The following CORO1C variants were observed in gnomAD, a reference collection of about 807,000 sequenced individuals.
CORO1C encodes the protein coronin-1C.
CORO1C carries 14 observed loss-of-function variants against 51.2 expected under a neutral mutation model. The observed-to-expected ratio is 0.27, with a 90% CI of 0.18 to 0.43. The LOEUF (loss-of-function observed/expected upper bound fraction) is 0.43. Ranked by LOEUF, CORO1C falls within the 20% of genes least tolerant of loss-of-function variation. The pLI is 1.00. For synonymous variants in CORO1C, 181 were observed against 210.5 expected, an observed-to-expected ratio of 0.86 and a Z score of 1.21; for missense variants, 417 against 607.8, an observed-to-expected ratio of 0.69 and a Z score of 3.30.
At chr12:108,729,606 T>G (rs1175947741) in intron 1 of CORO1C, among the ~76,000 whole-genome samples, 3 of 152,236 alleles carry the variant, frequency 2.0e-5, no homozygotes, top group Non-Finnish European at 4.4e-5. Context: ...ATTTCACTTT[T>G]TTCCCTACTT....
intron 1 of CORO1C, among the ~76,000 whole-genome samples, chr12:108,717,988 C>G (rs1012069411): frequency 6.6e-6 from 1 of 152,050 alleles, no homozygotes; most frequent in African/African-American, 2.4e-5. Flanking sequence ...GAGGCCAAGG[C>G]GGGTGGATCA....
intron 2 of CORO1C, among the ~76,000 whole-genome samples, chr12:108,680,598 C>A (rs916401241): frequency 1.3e-5 from 2 of 152,180 alleles, no homozygotes; most frequent in Non-Finnish European, 1.5e-5. Flanking sequence ...CTCGGTTCCT[C>A]ATCTATAAAA....
intron 3 of CORO1C, among the ~76,000 whole-genome samples, chr12:108,665,129 A>C (rs970553880): frequency 2.0e-5 from 3 of 152,204 alleles, no homozygotes; most frequent in African/African-American, 7.2e-5. Context: ...CTTTGTTTAT[A>C]ATCAGCATTT....
chr12:108,713,005 A>C (rs1180520999), intron 1 of CORO1C, among the ~76,000 whole-genome samples: 1 of 150,600 alleles, frequency 6.6e-6, no homozygotes, highest in Non-Finnish European at 1.5e-5. Flanking sequence ...GTGACACTCA[A>C]AGAAAGAATT....
intron 2 of CORO1C, among the ~76,000 whole-genome samples, chr12:108,689,795 T>C (rs2034433469): frequency 6.6e-6 from 1 of 152,254 alleles, no homozygotes; most frequent in Non-Finnish European, 1.5e-5. Flanking sequence ...AATCACTTTA[T>C]GTGCCCAAAT....
Position 108,658,745 on chromosome 12 carries a change from A to G in CORO1C, c.623T>C (p.Ile208Thr), listed in dbSNP as rs1215018253. The G allele has an allele frequency of 6.2e-7, 1 of 1,607,600 alleles. No homozygotes were observed. The highest frequency in any genetic ancestry group is 1.1e-5 in the South Asian group (1 of 90,934). Residue 208 changes from isoleucine (I) to threonine (T), a missense_variant, in exon 5 of 11, where the codon ATT (isoleucine) becomes ACT (threonine). By Grantham distance (89) the Ile-to-Thr change is moderately conservative (BLOSUM62 -1). Coordinates refer to ENST00000261401, the MANE Select transcript of CORO1C (RefSeq NM_014325.4). The surrounding 1 kb of genome is among the most constrained non-coding windows in gnomAD (Gnocchi z 4.9). ...CATCCTAGGAATACTCACAGCAACA[A>G]TCTCTTGTTTCCTGGGATCAATGAC... ...VRVIDPRKQE[I>T]VAEKEKAHEG...
At chr12:108,661,985 CAA>C (rs1565906477) in intron 4 of CORO1C, 42 bp downstream of exon 4, 1 of 1,611,462 alleles carries the variant, frequency 6.2e-7, no homozygotes, top group Non-Finnish European at 8.5e-7. Context: ...CAGAGAGCCA[CAA>C]GAGTGGAAGA....
In CORO1C at chr12:108,712,053, A is replaced by G. The variant is rs556207726; in HGVS notation, c.-5-10730T>C. 2.6e-5 allele frequency among the ~76,000 whole-genome samples: 4 copies of G among 152,318 alleles called. No individual in the cohort carries two copies. In the South Asian group the frequency reaches 8.3e-4, roughly 32 times the overall value. On this transcript the variant is annotated intron_variant, in intron 1 of 10. Transcript: ENST00000261401. ...TCGATTACTCAAGCGTTCAGTGGGC[A>G]GAGAATGCTCCCTCAGCCAGTGGCA... is the stretch of plus-strand genomic sequence containing the variant.
At chr12:108,706,601 ATTTTT>A (rs966707785) in intron 1 of CORO1C, among the ~76,000 whole-genome samples, 2 of 148,906 alleles carry the variant, frequency 1.3e-5, no homozygotes, top group African/African-American at 2.5e-5. Context: ...TATAAAAATC[ATTTTT>A]TTTTTTAAGA....
chr12:108,668,705 C>A (rs1227104826), intron 3 of CORO1C, among the ~76,000 whole-genome samples: 1 of 152,110 alleles, frequency 6.6e-6, no homozygotes, highest in Admixed American at 6.5e-5. Flanking sequence ...TTTCCAACTC[C>A]CAGACTCTGG....
chr12:108,647,724 T>A (rs1200487541), intron 10 of CORO1C, among the ~76,000 whole-genome samples: 1 of 152,206 alleles, frequency 6.6e-6, no homozygotes, highest in Non-Finnish European at 1.5e-5. Flanking sequence ...TGAGATCCCG[T>A]GGCAAAACAA....
Position 108,658,613 on chromosome 12 carries a change from T to C in CORO1C, c.630+125A>G, listed in dbSNP as rs1412467597. ...AGAAGCCTTTATAAGCCTTCTCTTA[T>C]TCACAGTTGGTGTCTACACACAACA... On this transcript the variant is annotated intron_variant, in intron 5 of 10. Coordinates refer to ENST00000261401, the MANE Select transcript of CORO1C (RefSeq NM_014325.4). The surrounding 1 kb of genome is among the most constrained non-coding windows in gnomAD (Gnocchi z 4.9). 1 of 814,542 alleles carries C rather than the reference T, an allele frequency of 1.2e-6. No homozygotes were observed. The highest frequency in any genetic ancestry group is 1.9e-6 in the Non-Finnish European group (1 of 533,144). 50.5% of individuals were successfully genotyped at this position (814,542 alleles called of 1,614,324 possible).
chr12:108,656,876 T>C (rs1322202884), intron 6 of CORO1C, among the ~76,000 whole-genome samples: 1 of 152,082 alleles, frequency 6.6e-6, no homozygotes, highest in Non-Finnish European at 1.5e-5. Flanking sequence ...TCATCACCGC[T>C]CCCTAATCTC....
chr12:108,671,763 T>A (rs2033728817), intron 3 of CORO1C, among the ~76,000 whole-genome samples: 1 of 152,148 alleles, frequency 6.6e-6, no homozygotes, highest in African/African-American at 2.4e-5. Flanking sequence ...TAATTTTATT[T>A]ATTTATTTAT....
chr12:108,702,669 T>C, intron 1 of CORO1C: 4 of 972,486 alleles, frequency 4.1e-6, no homozygotes, highest in Non-Finnish European at 5.8e-6. Flanking sequence ...CTAACACCTG[T>C]CCACTCATGC....
intron 7 of CORO1C, among the ~76,000 whole-genome samples, chr12:108,654,007 T>G (rs1260990280): frequency 6.6e-6 from 1 of 152,178 alleles, no homozygotes; most frequent in Non-Finnish European, 1.5e-5. Context: ...GAAACACCAG[T>G]GTATCTTCTT....
intron 2 of CORO1C, among the ~76,000 whole-genome samples, chr12:108,694,238 C>T (rs2034594088): frequency 7.0e-6 from 1 of 143,780 alleles, no homozygotes; most frequent in South Asian, 2.1e-4. Flanking sequence ...GTCAAGATCG[C>T]ACCACTGCAC....
intron 4 of CORO1C, among the ~76,000 whole-genome samples, chr12:108,660,066 T>C (rs765725536): frequency 3.3e-5 from 5 of 152,194 alleles, no homozygotes; most frequent in African/African-American, 4.8e-5. Flanking sequence ...AAGGACATCC[T>C]AGAGGTGGAT....
In CORO1C at chr12:108,655,578, C is replaced by T. The variant is rs960347176; in HGVS notation, c.751-1168G>A. Among the ~76,000 whole-genome samples, 13 of 152,356 alleles carry T rather than the reference C, an allele frequency of 8.5e-5. No homozygotes were observed. The East Asian group carries it at 1.2e-3, about 14-fold the overall frequency. On this transcript the variant is annotated intron_variant, in intron 6 of 10. Transcript: ENST00000261401. ...TATTTTTTTGGTGGAGACGGGGTTT[C>T]GCTGTGTTGGCGGGGCTGGTCTCCA...
Sources: gnomAD v4.1 joint callset for allele counts (sites outside exome capture counted in the v4.1 genomes callset) on GRCh38, gnomAD v4.1.1 for gene constraint, Gnocchi (gnomAD v3.1) non-coding constraint, MANE v1.5 for transcripts, NCBI Gene and HGNC (gene_info 2026-07-23, HGNC 2026-07-21) for gene names.